Variants in COTL1 observed in about 807,000 individuals in gnomAD.
The protein encoded by COTL1 is coactosin-like protein.
COTL1 carries 15 observed loss-of-function variants against 16.5 expected under a neutral mutation model. The ratio of observed to expected loss-of-function variants is 0.91; its 90% CI spans 0.61 to 1.40. COTL1 has a LOEUF of 1.40. Among genes scored for constraint, COTL1 ranks in the 40% most tolerant of loss-of-function variants. The pLI is 0.00. For synonymous variants in COTL1, 112 were observed against 85.3 expected (o/e 1.31, Z -1.73); for missense variants, 220 against 201.5 (o/e 1.09, Z -0.56).
At chr16:84,606,745 G>A (rs913648504) in intron 2 of COTL1, among the ~76,000 whole-genome samples, 2 of 152,166 alleles carry the variant, frequency 1.3e-5, no homozygotes, top group Non-Finnish European at 2.9e-5. Context: ...AACCAATGGG[G>A]GATAAGAGTC....
intron 3 of COTL1, among the ~76,000 whole-genome samples, chr16:84,587,604 A>G (rs1352721524): frequency 6.6e-6 from 1 of 152,064 alleles, no homozygotes; most frequent in Non-Finnish European, 1.5e-5. Flanking sequence ...TCATTTATGA[A>G]ATTACATTAA....
chr16:84,581,133 T>C (rs984950551), intron 3 of COTL1, among the ~76,000 whole-genome samples: 7 of 105,756 alleles, frequency 6.6e-5, no homozygotes, highest in African/African-American at 1.9e-4. Flanking sequence ...CAGAGTGAGA[T>C]TCCATCTAAA....
intron 3 of COTL1, among the ~76,000 whole-genome samples, chr16:84,584,400 C>A (rs1904671284): frequency 6.6e-6 from 1 of 152,268 alleles, no homozygotes. Flanking sequence ...TTCTTCCAGG[C>A]TCTAGCCCCA....
At chr16:84,589,236 A>C (rs1288786809) in intron 3 of COTL1, among the ~76,000 whole-genome samples, 1 of 152,150 alleles carries the variant, frequency 6.6e-6, no homozygotes, top group Non-Finnish European at 1.5e-5. Context: ...CAGCCTTCCA[A>C]AGTGCTGTGA....
intron 2 of COTL1, chr16:84,596,117 C>G (rs2914839): frequency 0.99 from 150,648 of 152,136 alleles, 74,602 homozygotes; most frequent in Middle Eastern, 1. Context: ...TCCAGGTCTA[C>G]GCAGAGGAGA....
chr16:84,598,540 T>C (rs1037605434), intron 2 of COTL1, among the ~76,000 whole-genome samples: 3 of 152,102 alleles, frequency 2.0e-5, no homozygotes, highest in Non-Finnish European at 2.9e-5. Flanking sequence ...CATGCTCTTT[T>C]CTCTGGCCTT....
chr16:84,588,603 T>G (rs1230948822), intron 3 of COTL1, among the ~76,000 whole-genome samples: 3 of 152,138 alleles, frequency 2.0e-5, no homozygotes, highest in Non-Finnish European at 4.4e-5. Context: ...CTCGCCCTCC[T>G]AGGCTCAAGC....
chr16:84,605,861 T>C (rs1905201830), intron 2 of COTL1, among the ~76,000 whole-genome samples: 1 of 152,246 alleles, frequency 6.6e-6, no homozygotes, highest in South Asian at 2.1e-4. Context: ...TTTGTTACAG[T>C]GGCCATAGGA....
At chr16:84,586,118 C>T (rs1361010505) in intron 3 of COTL1, among the ~76,000 whole-genome samples, 1 of 152,180 alleles carries the variant, frequency 6.6e-6, no homozygotes, top group Non-Finnish European at 1.5e-5. Flanking sequence ...AGAGGGACCA[C>T]CATAGCATGG....
intron 2 of COTL1, among the ~76,000 whole-genome samples, chr16:84,611,229 A>G (rs1905316926): frequency 6.6e-6 from 1 of 152,238 alleles, no homozygotes; most frequent in Non-Finnish European, 1.5e-5. Flanking sequence ...ATCTGCACCA[A>G]CAGAAAACTG....
chr16:84,598,001 T>C (rs1387311020), intron 2 of COTL1, among the ~76,000 whole-genome samples: 2 of 152,172 alleles, frequency 1.3e-5, no homozygotes, highest in African/African-American at 2.4e-5. Context: ...TTCAGATGCA[T>C]ATCATAGCAT....
At chr16:84,586,240 C>T (rs924609814) in intron 3 of COTL1, among the ~76,000 whole-genome samples, 2 of 152,174 alleles carry the variant, frequency 1.3e-5, no homozygotes, top group Non-Finnish European at 2.9e-5. Context: ...CACCTAAAGC[C>T]GAAACCCCTG....
intron 2 of COTL1, among the ~76,000 whole-genome samples, chr16:84,609,352 C>G (rs938313642): frequency 6.6e-6 from 1 of 152,202 alleles, no homozygotes; most frequent in Non-Finnish European, 1.5e-5. Flanking sequence ...AGGGCTGATG[C>G]CACCTCCAAG....
chr16:84,569,081 G>A (rs1904310789), intron 3 of COTL1: 1 of 152,402 alleles, frequency 6.6e-6, no homozygotes, highest in Non-Finnish European at 1.5e-5. Context: ...CAGCACTTTG[G>A]AGGCCGAGGC....
chr16:84,593,720 T>C (rs528116224), intron 2 of COTL1, among the ~76,000 whole-genome samples: 2 of 152,190 alleles, frequency 1.3e-5, no homozygotes, highest in East Asian at 3.9e-4. Flanking sequence ...ACCGTGGTCT[T>C]GATCTCCTGA....
intron 2 of COTL1, among the ~76,000 whole-genome samples, chr16:84,600,872 C>T (rs558833535): frequency 1.3e-5 from 2 of 152,330 alleles, no homozygotes; most frequent in African/African-American, 4.8e-5. Context: ...AGGGTATAAG[C>T]TGATCTGGAT....
intron 2 of COTL1, among the ~76,000 whole-genome samples, chr16:84,607,159 T>G (rs1381444922): frequency 6.6e-6 from 1 of 152,128 alleles, no homozygotes; most frequent in Non-Finnish European, 1.5e-5. Context: ...GAAACAGACA[T>G]GCACACGACC....
In COTL1 at chr16:84,566,626, A is replaced by T; in HGVS notation, c.*219T>A. 1 of 487,128 alleles carries T rather than the reference A, an allele frequency of 2.1e-6. No homozygotes were observed. The highest frequency in any genetic ancestry group is 3.6e-6 in the Non-Finnish European group (1 of 274,790). 30.2% of individuals were successfully genotyped at this position (487,128 alleles called of 1,614,324 possible). On this transcript the variant is annotated 3_prime_UTR_variant, in exon 4 of 4. Coordinates refer to ENST00000262428, the MANE Select transcript of COTL1 (RefSeq NM_021149.5). ...AAGAGGGGGAGAAAAGAAAAAGAAG[A>T]TCAAAGAAAGAGGTTCCATGAGCGT...
rs770225132 is a variant in COTL1, at chr16:84,590,126, G to T, written c.297C>A (p.Thr99=). 6.2e-7 allele frequency: 1 copy of T among 1,613,850 alleles called. No homozygotes were observed. Among genetic ancestry groups the T allele is most frequent in the Non-Finnish European group, 8.5e-7 (1 of 1,179,794 alleles). Residue 99 remains threonine, a synonymous_variant, in exon 3 of 4, where the codon ACC becomes ACA. Transcript: ENST00000262428. This position sits in a 1 kb window ranked among gnomAD's most constrained non-coding sequence, Gnocchi z 5.5. ...LQRAKTGTDK[T]LVKEVVQNFA... is the part of the protein sequence containing the mutation. ...GTACCTGTACGACCTCCTTCACCAG[G>T]GTCTTGTCCGTCCCGGTTTTGGCGC... is the stretch of plus-strand genomic sequence containing the variant.
Sources: gnomAD v4.1 joint callset for allele counts (sites outside exome capture counted in the v4.1 genomes callset) on GRCh38, gnomAD v4.1.1 for gene constraint, Gnocchi (gnomAD v3.1) non-coding constraint, MANE v1.5 for transcripts, NCBI Gene and HGNC (gene_info 2026-07-23, HGNC 2026-07-21) for gene names.